Variants in RANBP2 observed in about 807,000 individuals in gnomAD.
The protein encoded by RANBP2 is RAN binding protein 2.
A neutral mutation model predicts 303.6 loss-of-function variants in RANBP2; 57 were observed. The observed-to-expected ratio is 0.19, with a 90% CI of 0.15 to 0.23. The LOEUF is 0.23. Ranked by LOEUF, RANBP2 falls within the 10% of genes least tolerant of loss-of-function variation. The probability of loss-of-function intolerance (pLI) is 1.00; values close to 1 mark genes in which losing one functional copy is unlikely to be tolerated. For synonymous variants in RANBP2, 1,167 were observed against 1,301.5 expected (o/e 0.90, Z 2.23); for missense variants, 3,138 against 3,780.8 (o/e 0.83, Z 4.46).
the RANBP2 span, among the ~76,000 whole-genome samples, chr2:109,014,709 C>T: frequency 6.6e-6 from 1 of 152,324 alleles, no homozygotes; most frequent in East Asian, 1.9e-4. Context: ...GCAGGATGCA[C>T]GTGTGAGAGG....
At chr2:108,750,998 T>C (rs1675836592) in intron 9 of RANBP2, among the ~76,000 whole-genome samples, 2 of 152,210 alleles carry the variant, frequency 1.3e-5, no homozygotes, top group Non-Finnish European at 2.9e-5. Flanking sequence ...TTTTGGTTTA[T>C]TGAGTTCTAG....
chr2:109,766,050 GC>G, the RANBP2 span, among the ~76,000 whole-genome samples: 1 of 150,070 alleles, frequency 6.7e-6, no homozygotes, highest in Non-Finnish European at 1.5e-5. Flanking sequence ...ACCTGTCTGA[GC>G]CCCAGGTGTC....
the RANBP2 span, among the ~76,000 whole-genome samples, chr2:109,084,540 G>C: frequency 6.6e-6 from 1 of 152,196 alleles, no homozygotes; most frequent in Non-Finnish European, 1.5e-5. Flanking sequence ...AGACCAGGTT[G>C]ATGTTGGCAG....
chr2:109,061,303 G>A, the RANBP2 span, among the ~76,000 whole-genome samples: 1 of 152,122 alleles, frequency 6.6e-6, no homozygotes, highest in Non-Finnish European at 1.5e-5. Flanking sequence ...ACATTTCTGG[G>A]AAATTTTAGG....
At chr2:109,418,635 A>G in the RANBP2 span, among the ~76,000 whole-genome samples, 5 of 152,126 alleles carry the variant, frequency 3.3e-5, no homozygotes, top group African/African-American at 4.8e-5. Flanking sequence ...AGGATGATCT[A>G]TTCTCAGGAT....
chr2:108,889,512 G>A, the RANBP2 span, among the ~76,000 whole-genome samples: 1 of 151,634 alleles, frequency 6.6e-6, no homozygotes, highest in Non-Finnish European at 1.5e-5. Flanking sequence ...TCCTCTTGCT[G>A]GATTGATCCC....
At chr2:109,689,415 A>G in the RANBP2 span, among the ~76,000 whole-genome samples, 4 of 152,106 alleles carry the variant, frequency 2.6e-5, 1 homozygote, top group Non-Finnish European at 4.4e-5. Context: ...CCTGAATTCT[A>G]ACACCTTTTT....
the RANBP2 span, among the ~76,000 whole-genome samples, chr2:109,191,402 TGTGAATACTATTTAGAAGAAA>T: frequency 6.6e-6 from 1 of 152,230 alleles, no homozygotes. Context: ...GCATACCTAC[TGTGAATACTATTTAGAAGAAA>T]GTGGGGTGAG....
chr2:109,436,018 C>A, the RANBP2 span, among the ~76,000 whole-genome samples: 349 of 152,222 alleles, frequency 2.3e-3, 1 homozygote, highest in African/African-American at 8.2e-3. Flanking sequence ...AGCTTCCCTG[C>A]TAGAGGTCGT....
chr2:108,731,459 A>G lies in RANBP2; in HGVS notation c.390A>G (p.Ala130=). 3 of 1,611,528 alleles carry G rather than the reference A, an allele frequency of 1.9e-6. No homozygotes were observed. Among genetic ancestry groups the G allele is most frequent in the Non-Finnish European group, 2.5e-6 (3 of 1,179,558 alleles). ...RAAKLFPGSP[A]IYKLKEQLLD... ...CCAAACTTTTCCCAGGAAGTCCTGC[A>G]ATTTATAAACTAAAGGTAAACAAAC... is the stretch of plus-strand genomic sequence containing the variant. The change falls in exon 4 of 29, where the codon GCA becomes GCG. Residue 130 remains alanine, a synonymous_variant. Transcript: ENST00000283195.
the RANBP2 span, among the ~76,000 whole-genome samples, chr2:109,734,671 C>A: frequency 1.3e-5 from 2 of 151,842 alleles, no homozygotes; most frequent in Non-Finnish European, 2.9e-5. Context: ...TGAAAGTGAC[C>A]CTGAATTGCC....
At chr2:108,798,342 G>GTTAA in the RANBP2 span, 1 of 1,480,456 alleles carries the variant, frequency 6.8e-7, no homozygotes, top group African/African-American at 1.4e-5. Flanking sequence ...AAACCACTTG[G>GTTAA]TTAAACCACA....
chr2:109,373,906 G>A, the RANBP2 span, among the ~76,000 whole-genome samples: 1 of 152,102 alleles, frequency 6.6e-6, no homozygotes, highest in Non-Finnish European at 1.5e-5. Flanking sequence ...GCACCATTGG[G>A]AGTCCGCAAG....
the RANBP2 span, among the ~76,000 whole-genome samples, chr2:109,269,585 A>G: frequency 1.3e-5 from 2 of 152,220 alleles, no homozygotes; most frequent in Non-Finnish European, 2.9e-5. Context: ...GTTGGAGACT[A>G]GCCTGGCCAA....
chr2:108,787,047 G>T (rs961788573), downstream of RANBP2: 2 of 479,920 alleles, frequency 4.2e-6, no homozygotes, highest in Admixed American at 4.7e-5. Flanking sequence ...CGTGGCTGCG[G>T]CTTGGGCCTC....
the RANBP2 span, among the ~76,000 whole-genome samples, chr2:109,214,254 T>A: frequency 5.3e-5 from 8 of 151,922 alleles, no homozygotes; most frequent in Non-Finnish European, 1.2e-4. Context: ...AGAGATAAGA[T>A]CACCCAAAGG....
At chr2:108,889,686 A>G in the RANBP2 span, among the ~76,000 whole-genome samples, 1 of 152,080 alleles carries the variant, frequency 6.6e-6, no homozygotes. Flanking sequence ...CTTTACTGGT[A>G]AGGTGAGTTT....
At chr2:108,844,518 A>C in the RANBP2 span, among the ~76,000 whole-genome samples, 1 of 152,146 alleles carries the variant, frequency 6.6e-6, no homozygotes, top group African/African-American at 2.4e-5. Context: ...CAATTCTAAC[A>C]TTCTGTCCTG....
At chr2:109,516,885 A>G in the RANBP2 span, among the ~76,000 whole-genome samples, 4 of 152,244 alleles carry the variant, frequency 2.6e-5, no homozygotes, top group East Asian at 7.7e-4. Flanking sequence ...GCTCCTCATC[A>G]GTCTCAGTGG....
Sources: allele counts gnomAD v4.1 joint callset (sites outside exome capture counted in the v4.1 genomes callset), GRCh38; gene constraint gnomAD v4.1.1; transcripts MANE v1.5; gene names NCBI Gene and HGNC (gene_info 2026-07-23, HGNC 2026-07-21).